The following EBF2 variants were observed in gnomAD, a reference collection of about 807,000 sequenced individuals.
EBF2 encodes EBF transcription factor 2.
In EBF2, 21 loss-of-function variants were observed where a neutral mutation model predicts 72.8. That is an observed-to-expected ratio of 0.29 (90% CI 0.20 to 0.42). The LOEUF is 0.42. Ranked by LOEUF, EBF2 falls within the 10% of genes least tolerant of loss-of-function variation. The pLI, the probability that EBF2 is intolerant of heterozygous loss-of-function variation, is 1.00. For synonymous variants in EBF2, 299 were observed against 274.2 expected, an observed-to-expected ratio of 1.09 and a Z score of -0.89; for missense variants, 637 against 731.2, an observed-to-expected ratio of 0.87 and a Z score of 1.49.
intron 10 of EBF2, among the ~76,000 whole-genome samples, chr8:25,870,869 G>A (rs576556511): frequency 3.2e-4 from 49 of 151,980 alleles, no homozygotes; most frequent in Non-Finnish European, 5.4e-4. Flanking sequence ...GATACATCTC[G>A]TGTGCATCCA....
At chr8:25,994,779 A>T (rs1203411121) in intron 6 of EBF2, among the ~76,000 whole-genome samples, 1 of 152,184 alleles carries the variant, frequency 6.6e-6, no homozygotes, top group African/African-American at 2.4e-5. Flanking sequence ...AGACATTGGG[A>T]CTACTTGAGG....
intron 6 of EBF2, chr8:26,032,307 G>C (rs2094952714): frequency 6.6e-6 from 1 of 152,130 alleles, no homozygotes; most frequent in Admixed American, 6.5e-5. Flanking sequence ...AACAACTTTG[G>C]AGACTGTGGT....
chr8:25,936,182 T>C (rs1803575690), intron 6 of EBF2, among the ~76,000 whole-genome samples: 2 of 152,212 alleles, frequency 1.3e-5, no homozygotes, highest in Non-Finnish European at 2.9e-5. Context: ...CAAAAGACAT[T>C]ATACTAAAAC....
intron 15 of EBF2, among the ~76,000 whole-genome samples, chr8:25,848,681 A>G (rs918200134): frequency 6.6e-6 from 1 of 152,134 alleles, no homozygotes; most frequent in African/African-American, 2.4e-5. Context: ...AGTGGAAGTC[A>G]AGTATCCTTT....
chr8:25,984,862 T>A (rs1804422122), intron 6 of EBF2, among the ~76,000 whole-genome samples: 1 of 151,846 alleles, frequency 6.6e-6, no homozygotes. Flanking sequence ...ACAGCCACCC[T>A]TCCTGGGTGT....
Position 25,850,819 on chromosome 8 carries a change from A to T in EBF2, c.1529-58T>A. Reference sequence around the variant, plus strand: ...ATTAAGATCTTCCTTCAGTTCACACATTTGGCACACATTTATTGAGAAATT... The same window carrying T: ...ATTAAGATCTTCCTTCAGTTCACACTTTTGGCACACATTTATTGAGAAATT... On this transcript the variant is annotated intron_variant, in intron 14 of 15. Transcript: ENST00000520164. The T allele has an allele frequency of 8.0e-6, 12 of 1,508,976 alleles. No homozygotes were observed. The South Asian group carries it at 1.6e-4, about 20-fold the overall frequency. 93.5% of individuals were successfully genotyped at this position (1,508,976 alleles called of 1,614,324 possible).
At position 26,040,057 on chromosome 8, in the gene EBF2, T is replaced by C. The variant is rs2117265493; in HGVS notation, c.453A>G (p.Arg151=). 6.2e-7 allele frequency: 1 copy of C among 1,614,016 alleles called. No homozygotes were observed. The highest frequency in any genetic ancestry group is 2.2e-5 in the East Asian group (1 of 44,838). ...ACATCACTTCGTGCGTCAGGAGAAC[T>C]CGGCACATTTCCGGATTCTTATTCT... ...EGQNKNPEMC[R]VLLTHEVMCS... is the part of the protein sequence containing the mutation. The change falls in exon 5 of 16, where the codon CGA becomes CGG. Residue 151 remains arginine (R), a synonymous_variant. Transcript: ENST00000520164.
intron 7 of EBF2, among the ~76,000 whole-genome samples, chr8:25,903,362 G>C (rs1187568679): frequency 2.0e-5 from 3 of 152,012 alleles, no homozygotes; most frequent in African/African-American, 7.2e-5. Flanking sequence ...GGTAACTCTG[G>C]CATTCATGCT....
rs902788947 is a variant in EBF2, at chr8:25,842,869, C to T, written c.*1740G>A. The T allele has an allele frequency of 2.6e-5, 4 of 152,158 alleles. No homozygotes were observed. Among genetic ancestry groups the T allele is most frequent in the Non-Finnish European group, 5.9e-5 (4 of 68,048 alleles). 9.4% of individuals were successfully genotyped at this position (152,158 alleles called of 1,614,324 possible). A position where few individuals can be genotyped will look rare whatever the true frequency, so the allele number is the denominator to read the frequency against. ...GCTCAGATGCACTCATGATGTTTTT[C>T]CATGAGTGCTGCATCTATTTCTAAT... On this transcript the variant is annotated 3_prime_UTR_variant, in exon 16 of 16. Coordinates refer to ENST00000520164, the MANE Select transcript of EBF2 (RefSeq NM_022659.4).
At chr8:25,952,931 T>C (rs537941703) in intron 6 of EBF2, among the ~76,000 whole-genome samples, 1 of 152,322 alleles carries the variant, frequency 6.6e-6, no homozygotes, top group East Asian at 1.9e-4. Context: ...AAGTCTGAGA[T>C]ATTTCTTGTA....
intron 6 of EBF2, among the ~76,000 whole-genome samples, chr8:26,029,144 A>G (rs1030030438): frequency 3.9e-5 from 6 of 152,088 alleles, no homozygotes; most frequent in South Asian, 2.1e-4. Context: ...GTAAACTCCA[A>G]TGGTTTTCAA....
chr8:25,937,233 A>G (rs921916963), intron 6 of EBF2, among the ~76,000 whole-genome samples: 1 of 152,160 alleles, frequency 6.6e-6, no homozygotes, highest in African/African-American at 2.4e-5. Context: ...ATGTTTTTCC[A>G]TGGGTAACAA....
intron 10 of EBF2, among the ~76,000 whole-genome samples, chr8:25,869,667 A>G (rs2117271808): frequency 6.6e-6 from 1 of 152,294 alleles, no homozygotes; most frequent in Non-Finnish European, 1.5e-5. Context: ...ATTATTCTGT[A>G]AACTTTTTTC....
chr8:26,013,318 C>A (rs139127471), intron 6 of EBF2, among the ~76,000 whole-genome samples: 106 of 152,284 alleles, frequency 7.0e-4, no homozygotes, highest in African/African-American at 2.5e-3. Flanking sequence ...CCTTGCCACA[C>A]TCTTTCCTCC....
chr8:25,959,410 C>G (rs531673900), intron 6 of EBF2, among the ~76,000 whole-genome samples: 2 of 152,110 alleles, frequency 1.3e-5, no homozygotes, highest in South Asian at 2.1e-4. Flanking sequence ...TCACCAAGTT[C>G]GTCAGGCTGG....
intron 6 of EBF2, among the ~76,000 whole-genome samples, chr8:25,988,595 G>A (rs534684678): frequency 2.6e-5 from 4 of 152,126 alleles, no homozygotes; most frequent in African/African-American, 4.8e-5. Context: ...CATGTAGCTG[G>A]CATTATGCTA....
chr8:25,952,852 GT>G (rs996948139), intron 6 of EBF2, among the ~76,000 whole-genome samples: 19 of 151,440 alleles, frequency 1.3e-4, no homozygotes, highest in East Asian at 1.9e-4. Flanking sequence ...AGGCTTTGGG[GT>G]TTTTTTTTCC....
Position 25,862,816 on chromosome 8 carries a change from C to CT in EBF2, c.1010-20dup, listed in dbSNP as rs1563379826. The CT allele has an allele frequency of 6.4e-7, 1 of 1,562,854 alleles. No individual in the cohort carries two copies. Among genetic ancestry groups the CT allele is most frequent in the East Asian group, 2.3e-5 (1 of 43,744 alleles). On this transcript the variant is annotated intron_variant, in intron 10 of 15. Transcript: ENST00000520164. ...TTTAATGCTGAAAGAGAAAAGTCCT[C>CT]TTTCTGAGTTGGTATCCTGGCTATA... is the stretch of plus-strand genomic sequence containing the variant.
chr8:25,944,164 A>G (rs536031207), intron 6 of EBF2, among the ~76,000 whole-genome samples: 7 of 152,364 alleles, frequency 4.6e-5, no homozygotes, highest in African/African-American at 1.7e-4. Flanking sequence ...AGCATAGGGC[A>G]GGGTTCCAGC....
Sources: allele counts gnomAD v4.1 joint callset (sites outside exome capture counted in the v4.1 genomes callset), GRCh38; gene constraint gnomAD v4.1.1; transcripts MANE v1.5; gene names NCBI Gene and HGNC (gene_info 2026-07-23, HGNC 2026-07-21).